The following PGM3 variants were observed in gnomAD, a reference collection of about 807,000 sequenced individuals.
The protein encoded by PGM3 is phosphoacetylglucosamine mutase.
A neutral mutation model predicts 66.2 loss-of-function variants in PGM3; 40 were observed. The observed-to-expected ratio is 0.60, with a 90% confidence interval of 0.47 to 0.79. PGM3 has a LOEUF of 0.79. Among genes scored for constraint, PGM3 ranks in the 30% least tolerant of loss-of-function variants. PGM3 has a pLI of 0.00. For missense variants in PGM3, 537 were observed against 643.4 expected (o/e 0.83, Z 1.79); for synonymous variants, 191 against 224.2 (o/e 0.85, Z 1.32).
Position 83,183,369 on chromosome 6 carries a change from G to A in PGM3, c.458-391C>T, listed in dbSNP as rs533153276. 1.6e-3 allele frequency among the ~76,000 whole-genome samples: 246 copies of A among 152,200 alleles called. 1 individual carries two copies. Among genetic ancestry groups the A allele is most frequent in the African/African-American group, 5.7e-3 (235 of 41,546 alleles). ...AGAATTATCAGGCCAAAACATACCCGAAGGCAAGAACTCCAAGATCTAAGC... is the reference window on the plus strand; with the variant it reads ...AGAATTATCAGGCCAAAACATACCCAAAGGCAAGAACTCCAAGATCTAAGC... On this transcript the variant is annotated intron_variant, in intron 4 of 12. Coordinates refer to ENST00000513973, the MANE Select transcript of PGM3 (RefSeq NM_015599.3).
chr6:83,177,352 C>T (rs1583271469), intron 8 of PGM3, among the ~76,000 whole-genome samples: 1 of 152,086 alleles, frequency 6.6e-6, no homozygotes, highest in South Asian at 2.1e-4. Flanking sequence ...TGGTAACTCT[C>T]CGAGCAAGTA....
rs764119854 is a variant in PGM3 at position 83,190,932 on chromosome 6, T to C, written c.81A>G (p.Gly27=). ...CAAGATGTTCTGCCTTCGTTCGAAATCCAGCAGTCCCGTATTGAAGGATCA... is the reference window on the plus strand; with the variant it reads ...CAAGATGTTCTGCCTTCGTTCGAAACCCAGCAGTCCCGTATTGAAGGATCA... The part of the protein sequence containing the change: ...NGLILQYGTA[G]FRTKAEHLDH... The change falls in exon 2 of 13, where the codon GGA becomes GGG. Residue 27 remains glycine, a synonymous_variant. Transcript: ENST00000513973. 6.2e-7 allele frequency: 1 copy of C among 1,614,142 alleles called. No individual in the cohort carries two copies. The highest frequency in any genetic ancestry group is 1.1e-5 in the South Asian group (1 of 91,080).
chr6:83,171,911 A>G, intron 11 of PGM3, 26 bp downstream of exon 11: 2 of 1,585,402 alleles, frequency 1.3e-6, no homozygotes, highest in Non-Finnish European at 1.7e-6. Context: ...ATATTCAAAA[A>G]AGTTACTTTA....
At chr6:83,151,840 G>T in the PGM3 span, 4 of 1,574,664 alleles carry the variant, frequency 2.5e-6, no homozygotes, top group Non-Finnish European at 3.5e-6. Context: ...TAACTAGTGT[G>T]CATGTGTGTA....
In PGM3 at chr6:83,188,641, G is replaced by C. The variant is rs201506489; in HGVS notation, c.362C>G (p.Ala121Gly). 1 of 1,613,440 alleles carries C rather than the reference G, an allele frequency of 6.2e-7. No homozygotes were observed. The highest frequency in any genetic ancestry group is 8.5e-7 in the Non-Finnish European group (1 of 1,179,662). Residue 121 changes from alanine to glycine, a missense_variant, in exon 3 of 13, where the codon GCC becomes GGC. Physicochemically the swap from Ala to Gly is moderately conservative, Grantham distance 60. Coordinates refer to ENST00000513973, the MANE Select transcript of PGM3 (RefSeq NM_015599.3). ...EKEAVNLQQD[A>G]FVVIGRDTRP... Reference sequence around the variant, plus strand: ...GGTATCTCTACCAATAACTACAAAGGCATCTTGTTGCAGATTCACAGCTTC... The same window carrying C: ...GGTATCTCTACCAATAACTACAAAGCCATCTTGTTGCAGATTCACAGCTTC...
the PGM3 span, chr6:83,153,338 C>A: frequency 2.2e-6 from 1 of 446,262 alleles, no homozygotes; most frequent in Non-Finnish European, 3.9e-6. Flanking sequence ...TAACAATGTA[C>A]AAAAAAGCAG....
downstream of PGM3, chr6:83,158,533 T>C: frequency 6.6e-7 from 1 of 1,504,746 alleles, no homozygotes; most frequent in Non-Finnish European, 9.2e-7. Flanking sequence ...AAATATCCAG[T>C]TTAAATAAAC....
At chr6:83,174,829 G>C (rs567817359) in intron 9 of PGM3, among the ~76,000 whole-genome samples, 74 of 152,288 alleles carry the variant, frequency 4.9e-4, no homozygotes, top group Non-Finnish European at 1.1e-3. Context: ...AGGTTACTTA[G>C]AGCCTGTCTG....
chr6:83,191,958 CA>C (rs1219337174), intron 1 of PGM3, among the ~76,000 whole-genome samples: 646 of 39,364 alleles, frequency 0.016, 2 homozygotes, highest in Non-Finnish European at 0.019. Flanking sequence ...GACTCGGTCT[CA>C]AAAAAAAAAA....
downstream of PGM3, chr6:83,160,046 T>C: frequency 7.7e-7 from 1 of 1,300,860 alleles, no homozygotes; most frequent in Non-Finnish European, 1.1e-6. Context: ...TAAAAAGTTT[T>C]TTGTGTAAGT....
At chr6:83,158,616 T>C, downstream of PGM3, 1 of 1,603,656 alleles carries the variant, frequency 6.2e-7, no homozygotes, top group Non-Finnish European at 8.5e-7. Flanking sequence ...GATGAAGATA[T>C]TTCACGGTAA....
downstream of PGM3, chr6:83,157,470 A>T: frequency 1.2e-6 from 1 of 824,160 alleles, no homozygotes; most frequent in Non-Finnish European, 1.9e-6. Flanking sequence ...AAATAGTAAA[A>T]CAAGTCAGAT....
intron 11 of PGM3, among the ~76,000 whole-genome samples, chr6:83,171,501 T>C (rs1787122665): frequency 6.6e-6 from 1 of 152,208 alleles, no homozygotes; most frequent in African/African-American, 2.4e-5. Flanking sequence ...GGCCTTCTTT[T>C]TTTGTTTTGA....
chr6:83,152,001 G>T, the PGM3 span: 6 of 1,613,852 alleles, frequency 3.7e-6, no homozygotes, highest in Non-Finnish European at 4.2e-6. Flanking sequence ...ATGGTAGATG[G>T]AACCAATTTG....
intron 10 of PGM3, among the ~76,000 whole-genome samples, chr6:83,173,156 C>T (rs1364667296): frequency 1.3e-5 from 2 of 152,124 alleles, no homozygotes; most frequent in Non-Finnish European, 2.9e-5. Context: ...ACTTCTAGTC[C>T]CATGCATTTT....
rs1217741806 is a variant in PGM3 at position 83,181,708 on chromosome 6, A to C, written c.787+28T>G. The C allele has an allele frequency of 2.6e-6, 4 of 1,530,414 alleles. No homozygotes were observed. The African/African-American group carries it at 5.6e-5, about 21-fold the overall frequency. The allele number at this position is 1,530,414 out of a possible 1,614,324, so 94.8% of individuals were successfully genotyped here. Reference sequence around the variant, plus strand: ...ATTGGCTTCAAAGAGCATTAAAAACAAATTTTTGCAGTGCTAGTACGACAT... The same window carrying C: ...ATTGGCTTCAAAGAGCATTAAAAACCAATTTTTGCAGTGCTAGTACGACAT... On this transcript the variant is annotated intron_variant, in intron 6 of 12. Coordinates refer to ENST00000513973, the MANE Select transcript of PGM3 (RefSeq NM_015599.3).
chr6:83,182,709 G>C, intron 5 of PGM3, 136 bp downstream of exon 5: 3 of 805,966 alleles, frequency 3.7e-6, no homozygotes, highest in South Asian at 1.7e-5. Flanking sequence ...TGTAGCCCTA[G>C]AGAAAAACAA....
At chr6:83,191,895 G>T (rs1464330758) in intron 1 of PGM3, among the ~76,000 whole-genome samples, 2 of 145,886 alleles carry the variant, frequency 1.4e-5, no homozygotes, top group Non-Finnish European at 3.0e-5. Flanking sequence ...GGAGGCAGAG[G>T]TTGCAGTGAG....
chr6:83,154,408 G>A, the PGM3 span: 2 of 609,312 alleles, frequency 3.3e-6, no homozygotes, highest in East Asian at 2.8e-5. Flanking sequence ...GTACGCTATG[G>A]GAATATAATC....
Sources: gnomAD v4.1 joint callset for allele counts (sites outside exome capture counted in the v4.1 genomes callset) on GRCh38, gnomAD v4.1.1 for gene constraint, MANE v1.5 for transcripts, NCBI Gene and HGNC (gene_info 2026-07-23, HGNC 2026-07-21) for gene names.